CARMIL1: variants seen among roughly 807,000 people sequenced by gnomAD.
The protein encoded by CARMIL1 is F-actin-uncapping protein LRRC16A.
CARMIL1 carries 90 observed loss-of-function variants against 177.1 expected under a neutral mutation model. That is an observed-to-expected ratio of 0.51 (90% CI 0.43 to 0.61). The LOEUF (loss-of-function observed/expected upper bound fraction) is 0.61. Among genes scored for constraint, CARMIL1 ranks in the 20% least tolerant of loss-of-function variants. The pLI, the probability that CARMIL1 is intolerant of heterozygous loss-of-function variation, is 0.00. For synonymous variants in CARMIL1, 577 were observed against 606.2 expected (o/e 0.95, Z 0.71); for missense variants, 1,380 against 1,667.0 (o/e 0.83, Z 3.00).
intron 1 of CARMIL1, among the ~76,000 whole-genome samples, chr6:25,282,422 A>G (rs1781208065): frequency 6.6e-6 from 1 of 152,056 alleles, no homozygotes; most frequent in African/African-American, 2.4e-5. Flanking sequence ...CCTTGCCCCA[A>G]ACATTCCACC....
At chr6:25,392,191 G>A (rs1792925264) in intron 2 of CARMIL1, among the ~76,000 whole-genome samples, 1 of 151,756 alleles carries the variant, frequency 6.6e-6, no homozygotes, top group Admixed American at 6.6e-5. Context: ...ATATATATGG[G>A]ATCTAGAATT....
intron 1 of CARMIL1, among the ~76,000 whole-genome samples, chr6:25,281,783 A>G (rs1403348125): frequency 6.6e-6 from 1 of 152,096 alleles, no homozygotes; most frequent in Admixed American, 6.5e-5. Flanking sequence ...GAAAACCTCT[A>G]TATATTCCCT....
intron 1 of CARMIL1, among the ~76,000 whole-genome samples, chr6:25,281,466 C>T (rs1781113467): frequency 6.6e-6 from 1 of 151,950 alleles, no homozygotes; most frequent in South Asian, 2.1e-4. Flanking sequence ...TACTTAGGCC[C>T]AAGAGAAAGA....
At chr6:25,305,692 A>C (rs773930551) in intron 2 of CARMIL1, among the ~76,000 whole-genome samples, 1 of 152,166 alleles carries the variant, frequency 6.6e-6, no homozygotes, top group Non-Finnish European at 1.5e-5. Context: ...GTTTTTTGTA[A>C]GTGGTCCCTG....
chr6:25,450,769 TCC>T, intron 8 of CARMIL1, 58 bp downstream of exon 8: 27 of 331,850 alleles, frequency 8.1e-5, no homozygotes, highest in Admixed American at 2.3e-4. Context: ...CCTCCCTTCC[TCC>T]CTCCCCTCCC....
At chr6:25,523,184 A>G (rs145151972) in intron 23 of CARMIL1, among the ~76,000 whole-genome samples, 2 of 152,342 alleles carry the variant, frequency 1.3e-5, no homozygotes, top group African/African-American at 4.8e-5. Flanking sequence ...GGCAAAAGAA[A>G]TCAAGATTTG....
intron 29 of CARMIL1, among the ~76,000 whole-genome samples, chr6:25,566,220 T>C (rs1261633895): frequency 6.6e-6 from 1 of 152,244 alleles, no homozygotes; most frequent in Non-Finnish European, 1.5e-5. Context: ...GTTTTCTAAA[T>C]GGAAATCAGA....
chr6:25,554,873 G>GT lies in CARMIL1; in HGVS notation c.2592+778dup. On this transcript the variant is annotated intron_variant, in intron 28 of 36. Transcript: ENST00000329474. This position sits in a 1 kb window ranked among gnomAD's most constrained non-coding sequence, Gnocchi z 4.6. ...CAGTTTTATGGCATTGAATTGTTGG[G>GT]TGACCCTAGAGAATCCTAAAATGAG... is the stretch of plus-strand genomic sequence containing the variant. Among the ~76,000 whole-genome samples, 1 of 152,294 alleles carries GT rather than the reference G, an allele frequency of 6.6e-6. No individual in the cohort carries two copies. The highest frequency in any genetic ancestry group is 1.5e-5 in the Non-Finnish European group (1 of 68,026).
chr6:25,598,262 A>G (rs1471530981), intron 32 of CARMIL1, among the ~76,000 whole-genome samples: 1 of 151,924 alleles, frequency 6.6e-6, no homozygotes, highest in African/African-American at 2.4e-5. Context: ...TATTTGAGAT[A>G]GCATCTCACT....
intron 29 of CARMIL1, chr6:25,563,660 GTCCA>G (rs1225923321): frequency 1.0e-6 from 1 of 985,138 alleles, no homozygotes. Context: ...AATGCTTATT[GTCCA>G]TCCATCATAT....
intron 29 of CARMIL1, among the ~76,000 whole-genome samples, chr6:25,576,319 C>T (rs560622059): frequency 2.9e-4 from 44 of 151,072 alleles, no homozygotes; most frequent in Admixed American, 2.1e-3. Flanking sequence ...GACCTAAATT[C>T]CCACTAAGGT....
rs1412088464 is a variant in CARMIL1 at position 25,279,805 on chromosome 6, G to C, written c.10G>C (p.Glu4Gln). 5.0e-6 allele frequency: 8 copies of C among 1,613,894 alleles called. No individual in the cohort carries two copies. The Admixed American group carries it at 8.3e-5, about 17-fold the overall frequency. The change falls in exon 1 of 37, where the codon GAG becomes CAG. Residue 4 changes from glutamate to glutamine, a missense_variant. Physicochemically the swap from Glu to Gln is conservative, Grantham distance 29 (BLOSUM62 2). Transcript: ENST00000329474. ...CACCTACAGGGCAACCATGACCGAG[G>C]AGAGCTCTGACGTTCCCAGGGAGTT... Reference protein sequence around the residue: MTEESSDVPRELIE... With the variant: MTEQSSDVPRELIE...
At chr6:25,466,057 T>C in intron 9 of CARMIL1, 109 bp downstream of exon 9, 1 of 714,652 alleles carries the variant, frequency 1.4e-6, no homozygotes, top group East Asian at 2.5e-5. Flanking sequence ...GCTGTATACA[T>C]TTTATTTCTT....
chr6:25,319,900 C>A (rs1784558126), intron 2 of CARMIL1, among the ~76,000 whole-genome samples: 1 of 151,632 alleles, frequency 6.6e-6, no homozygotes, highest in South Asian at 2.1e-4. Flanking sequence ...ATTTTCACCT[C>A]TTTAAAGAAA....
Position 25,509,782 on chromosome 6 carries a change from A to T in CARMIL1, c.1477+45A>T. The T allele has an allele frequency of 4.6e-6, 6 of 1,317,324 alleles. No individual in the cohort carries two copies. The highest frequency in any genetic ancestry group is 6.4e-6 in the Non-Finnish European group (6 of 936,978). The allele number at this position is 1,317,324 out of a possible 1,614,324, so 81.6% of individuals were successfully genotyped here. Reference sequence around the variant, plus strand: ...GAAATGAAACTGAAATATTTTTTGAAGCAAGTTAATAAGGGGAAAATAATC... The same window carrying T: ...GAAATGAAACTGAAATATTTTTTGATGCAAGTTAATAAGGGGAAAATAATC... On this transcript the variant is annotated intron_variant, in intron 18 of 36. Coordinates refer to ENST00000329474, the MANE Select transcript of CARMIL1 (RefSeq NM_017640.6). The surrounding 1 kb of genome is among the most constrained non-coding windows in gnomAD (Gnocchi z 4.1).
chr6:25,328,460 T>C (rs1186820093), intron 2 of CARMIL1, among the ~76,000 whole-genome samples: 1 of 152,248 alleles, frequency 6.6e-6, no homozygotes, highest in East Asian at 1.9e-4. Flanking sequence ...GGACATTTCA[T>C]GAAAAGCTTC....
intron 24 of CARMIL1, among the ~76,000 whole-genome samples, chr6:25,532,031 A>G: frequency 6.6e-6 from 1 of 151,814 alleles, no homozygotes; most frequent in East Asian, 1.9e-4. Context: ...TTGGCCTTCC[A>G]AAGTGCTGGG....
At chr6:25,460,607 C>T (rs150706310) in intron 8 of CARMIL1, among the ~76,000 whole-genome samples, 1 of 152,268 alleles carries the variant, frequency 6.6e-6, no homozygotes, top group Non-Finnish European at 1.5e-5. Flanking sequence ...TCCTCATTCT[C>T]AGCATATTGC....
rs1384213737 is a variant in CARMIL1 at position 25,620,397 on chromosome 6, GA to G, written c.*816del. On this transcript the variant is annotated 3_prime_UTR_variant, in exon 37 of 37. Coordinates refer to ENST00000329474, the MANE Select transcript of CARMIL1 (RefSeq NM_017640.6). ...GCTTTTAATGTGTGATTTTAAGAGA[GA>G]ATACTTTGACACCTGTAAAAATCAA... 1 of 152,148 alleles carries G rather than the reference GA, an allele frequency of 6.6e-6. No homozygotes were observed. The highest frequency in any genetic ancestry group is 1.5e-5 in the Non-Finnish European group (1 of 68,028). The allele number at this position is 152,148 out of a possible 1,614,324, so 9.4% of individuals were successfully genotyped here. A position where few individuals can be genotyped will look rare whatever the true frequency, so the allele number is the denominator to read the frequency against.
Sources: gnomAD v4.1 joint callset for allele counts (sites outside exome capture counted in the v4.1 genomes callset) on GRCh38, gnomAD v4.1.1 for gene constraint, Gnocchi (gnomAD v3.1) non-coding constraint, MANE v1.5 for transcripts, NCBI Gene and HGNC (gene_info 2026-07-23, HGNC 2026-07-21) for gene names.